GET1: variants seen among roughly 807,000 people sequenced by gnomAD.
GET1 encodes the protein guided entry of tail-anchored proteins factor 1, also known as congenital heart disease 5 protein.
Under a neutral mutation model 22.6 loss-of-function variants are expected in GET1, and 20 were observed. The ratio of observed to expected loss-of-function variants is 0.89; its 90% CI spans 0.62 to 1.29. GET1 has a LOEUF of 1.29. Among genes scored for constraint, GET1 ranks in the 50% most tolerant of loss-of-function variants. GET1 has a pLI of 0.00. For synonymous variants in GET1, 92 were observed against 83.8 expected (o/e 1.10, Z -0.53); for missense variants, 209 against 219.9 (o/e 0.95, Z 0.31).
At chr21:39,410,989 G>A (rs1295874204), downstream of GET1, 2 of 467,292 alleles carry the variant, frequency 4.3e-6, no homozygotes, top group East Asian at 7.0e-5. Flanking sequence ...GGAGATTTTG[G>A]GGGGAAAGCA....
intron 4 of GET1, among the ~76,000 whole-genome samples, chr21:39,396,557 C>T (rs1463072245): frequency 3.4e-5 from 5 of 148,502 alleles, no homozygotes; most frequent in African/African-American, 1.2e-4. Flanking sequence ...TGTGGTGGTG[C>T]ACACCTGTAA....
downstream of GET1, among the ~76,000 whole-genome samples, chr21:39,400,975 A>C (rs758970872): frequency 1.3e-5 from 2 of 151,176 alleles, no homozygotes; most frequent in Non-Finnish European, 2.9e-5. Context: ...CAGTGACATG[A>C]TCATAGCTCA....
At chr21:39,402,166 T>TGATCTC (rs2038856152), downstream of GET1, among the ~76,000 whole-genome samples, 1 of 152,094 alleles carries the variant, frequency 6.6e-6, no homozygotes, top group South Asian at 2.1e-4. Context: ...TGCAGTGGCA[T>TGATCTC]GATCTCGGCT....
At chr21:39,417,118 C>T (rs751745233) in intron 1 of GET1, among the ~76,000 whole-genome samples, 11 of 152,172 alleles carry the variant, frequency 7.2e-5, no homozygotes, top group Admixed American at 2.6e-4. Flanking sequence ...CTGTAATCTC[C>T]GCCTCCTGGG....
At chr21:39,403,533 G>A (rs957269541) in intron 4 of GET1, among the ~76,000 whole-genome samples, 11 of 132,468 alleles carry the variant, frequency 8.3e-5, no homozygotes, top group South Asian at 2.3e-4. Context: ...CACCGTGTTA[G>A]CCAGGATGGT....
chr21:39,401,237 C>T (rs1012325552), downstream of GET1, among the ~76,000 whole-genome samples: 4 of 151,972 alleles, frequency 2.6e-5, no homozygotes, highest in Non-Finnish European at 5.9e-5. Context: ...TTTGTAGAGA[C>T]GGGGTCTTGC....
chr21:39,411,207 G>A (rs939377643), downstream of GET1: 7 of 260,222 alleles, frequency 2.7e-5, no homozygotes, highest in African/African-American at 1.1e-4. Context: ...TGGTTGCCTC[G>A]GGTGAGGTAG....
chr21:39,391,985 C>G (rs980551742), intron 3 of GET1, 149 bp downstream of exon 3: 6 of 688,676 alleles, frequency 8.7e-6, no homozygotes, highest in Non-Finnish European at 1.5e-5. Context: ...TCTAAACACT[C>G]TCGGTCTCTA....
At chr21:39,427,272 TAC>T (rs1449120202) in intron 1 of GET1, among the ~76,000 whole-genome samples, 1 of 152,124 alleles carries the variant, frequency 6.6e-6, no homozygotes, top group Non-Finnish European at 1.5e-5. Flanking sequence ...AGGAAGGAAT[TAC>T]AGTCTGGGCA....
intron 1 of GET1, chr21:39,414,406 G>A (rs1330001029): frequency 5.9e-5 from 9 of 152,174 alleles, no homozygotes; most frequent in East Asian, 3.9e-4. Context: ...CCTAGAACTC[G>A]GTGTGGGATG....
At chr21:39,390,676 T>A (rs751351177) in intron 1 of GET1, 22 bp from the exon 2 acceptor site, 1 of 1,613,494 alleles carries the variant, frequency 6.2e-7, no homozygotes, top group Non-Finnish European at 8.5e-7. Context: ...AAGGTGCTGA[T>A]CCCCGTTGTC....
At chr21:39,421,986 G>A (rs932824104) in intron 1 of GET1, 8 of 152,060 alleles carry the variant, frequency 5.3e-5, no homozygotes, top group Non-Finnish European at 7.4e-5. Context: ...ACAGACATAC[G>A]CTAAGATGAA....
rs537143629 is a variant in GET1 at position 39,397,494 on chromosome 21, A to G, written c.*555A>G. On this transcript the variant is annotated 3_prime_UTR_variant, in exon 5 of 5. Coordinates refer to ENST00000649170, the MANE Select transcript of GET1 (RefSeq NM_004627.6). ...ATTTGTTGAGCAAGAGTTGTATAGT[A>G]TTATCTACTTACTTGAGGCTGTTAA... The G allele has an allele frequency of 6.5e-6, 1 of 152,728 alleles. No individual in the cohort carries two copies. The highest frequency in any genetic ancestry group is 2.1e-4 in the South Asian group (1 of 4,830). 9.5% of individuals were successfully genotyped at this position (152,728 alleles called of 1,614,324 possible).
chr21:39,421,515 A>C (rs1020706419), intron 1 of GET1: 8 of 152,234 alleles, frequency 5.3e-5, no homozygotes, highest in Non-Finnish European at 8.8e-5. Flanking sequence ...GATGGACTGT[A>C]AGACAATGAA....
chr21:39,405,796 C>G, intron 4 of GET1: 1 of 1,033,642 alleles, frequency 9.7e-7, no homozygotes, highest in Non-Finnish European at 1.4e-6. Context: ...TACATACACT[C>G]CCTCTCTCAC....
chr21:39,411,823 A>G, intron 1 of GET1: 1 of 1,398,190 alleles, frequency 7.2e-7, no homozygotes, highest in Non-Finnish European at 1.0e-6. Context: ...CCACAAAACC[A>G]ATTTTTCTAT....
intron 3 of GET1, chr21:39,392,095 A>G (rs1363370460): frequency 4.4e-6 from 2 of 455,810 alleles, no homozygotes; most frequent in African/African-American, 4.0e-5. Context: ...AGCTTTCACC[A>G]TGCCTGCATC....
chr21:39,400,106 C>T (rs1179861425), downstream of GET1, among the ~76,000 whole-genome samples: 5 of 152,100 alleles, frequency 3.3e-5, no homozygotes, highest in Admixed American at 6.6e-5. Flanking sequence ...GTCCCCTGAC[C>T]TGGGGGGGCT....
intron 1 of GET1, chr21:39,420,726 G>T: frequency 6.2e-7 from 1 of 1,612,256 alleles, no homozygotes; most frequent in South Asian, 1.1e-5. Flanking sequence ...TGTTGAAGGT[G>T]TTTTACTTCC....
Sources: gnomAD v4.1 joint callset for allele counts (sites outside exome capture counted in the v4.1 genomes callset) on GRCh38, gnomAD v4.1.1 for gene constraint, MANE v1.5 for transcripts, NCBI Gene and HGNC (gene_info 2026-07-23, HGNC 2026-07-21) for gene names.